The following TNRC18 variants were observed in gnomAD, a reference collection of about 807,000 sequenced individuals.
TNRC18 encodes trinucleotide repeat-containing gene 18 protein.
Under a neutral mutation model 226.7 loss-of-function variants are expected in TNRC18, and 69 were observed. The ratio of observed to expected loss-of-function variants is 0.30; its 90% CI spans 0.25 to 0.37. The LOEUF is 0.37. Among genes scored for constraint, TNRC18 ranks in the 10% least tolerant of loss-of-function variants. TNRC18 has a pLI of 1.00. For synonymous variants in TNRC18, 2,449 were observed against 1,927.6 expected, an observed-to-expected ratio of 1.27 and a Z score of -7.09; for missense variants, 4,754 against 4,256.6, an observed-to-expected ratio of 1.12 and a Z score of -3.25.
chr7:5,397,106 G>T (rs1312424654), intron 2 of TNRC18, among the ~76,000 whole-genome samples: 5 of 152,022 alleles, frequency 3.3e-5, no homozygotes, highest in Non-Finnish European at 5.9e-5. Flanking sequence ...AGTCCAGCCA[G>T]GCCCAGCCCC....
intron 18 of TNRC18, among the ~76,000 whole-genome samples, chr7:5,340,422 A>G (rs976615098): frequency 6.6e-6 from 1 of 152,180 alleles, no homozygotes; most frequent in African/African-American, 2.4e-5. Flanking sequence ...GCCAGCAGAG[A>G]TTGTCTCATG....
intron 2 of TNRC18, among the ~76,000 whole-genome samples, chr7:5,419,218 C>T (rs1371788535): frequency 1.3e-5 from 2 of 152,254 alleles, no homozygotes; most frequent in Non-Finnish European, 2.9e-5. Flanking sequence ...AGATTAGGCG[C>T]GGCCCTGGCA....
In TNRC18 at chr7:5,377,269, C is replaced by T. The variant is rs369978053; in HGVS notation, c.2461+102G>A. 18 of 1,293,202 alleles carry T rather than the reference C, an allele frequency of 1.4e-5. No individual in the cohort carries two copies. Among genetic ancestry groups the T allele is most frequent in the Non-Finnish European group, 1.8e-5 (17 of 957,720 alleles). The allele number at this position is 1,293,202 out of a possible 1,614,324, so 80.1% of individuals were successfully genotyped here. A position where few individuals can be genotyped will look rare whatever the true frequency, so the allele number is the denominator to read the frequency against. On this transcript the variant is annotated intron_variant, in intron 7 of 29. Transcript: ENST00000430969. The surrounding 1 kb of genome is among the most constrained non-coding windows in gnomAD (Gnocchi z 5.8). Reference sequence around the variant, plus strand: ...ATGCGGGAGGCAGGCCCAGGCCCCCCAGGAAACGGCAGGCAGGAGCCAGCC... The same window carrying T: ...ATGCGGGAGGCAGGCCCAGGCCCCCTAGGAAACGGCAGGCAGGAGCCAGCC...
intron 2 of TNRC18, among the ~76,000 whole-genome samples, chr7:5,401,025 CCT>C (rs1379247809): frequency 6.6e-6 from 1 of 151,770 alleles, no homozygotes; most frequent in Non-Finnish European, 1.5e-5. Context: ...AGAGCAAGAC[CCT>C]GTCTCAAAAA....
At chr7:5,375,921 T>C (rs1794626058) in intron 9 of TNRC18, 113 bp downstream of exon 9, 1 of 1,088,390 alleles carries the variant, frequency 9.2e-7, no homozygotes, top group Admixed American at 2.6e-5. Context: ...CACCTGCCCC[T>C]CTGCTGTTTT....
At chr7:5,339,652 C>G (rs1416115022) in intron 18 of TNRC18, among the ~76,000 whole-genome samples, 1 of 152,044 alleles carries the variant, frequency 6.6e-6, no homozygotes, top group East Asian at 1.9e-4. Flanking sequence ...TCACTGCAAA[C>G]TCTGCCTCCC....
At chr7:5,389,511 G>C in intron 4 of TNRC18, 175 bp from the exon 5 acceptor site, 1 of 821,056 alleles carries the variant, frequency 1.2e-6, no homozygotes, top group Non-Finnish European at 1.6e-6. Context: ...CTGGAGTACA[G>C]TGGCGCAACC....
intron 4 of TNRC18, 125 bp from the exon 5 acceptor site, chr7:5,389,461 G>GTTTTTTTGTTTTTTTTTTTGTTTGTT: frequency 1.8e-6 from 1 of 564,672 alleles, no homozygotes; most frequent in East Asian, 7.0e-5. Context: ...TTTGGTTTTG[G>GTTTTTTTGTTTTTTTTTTTGTTTGTT]TTTTTTTTTT....
chr7:5,337,471 G>T (rs1380169360), intron 18 of TNRC18, among the ~76,000 whole-genome samples: 1 of 136,614 alleles, frequency 7.3e-6, no homozygotes, highest in African/African-American at 2.6e-5. Context: ...GTGACAGAGT[G>T]AGACTGTTTC....
intron 2 of TNRC18, among the ~76,000 whole-genome samples, chr7:5,409,964 C>A (rs954793612): frequency 6.8e-6 from 1 of 146,698 alleles, no homozygotes; most frequent in Non-Finnish European, 1.5e-5. Context: ...GCACTCCAGG[C>A]TGGGTGAAAG....
chr7:5,320,433 G>A lies in TNRC18; in HGVS notation c.6637-7C>T, dbSNP rs1788227657. ...CTGGCCTCACATCGATGATCTAGAA[G>A]GGCATGGGATGAGTGCAAGGTGTGG... is the stretch of plus-strand genomic sequence containing the variant. On this transcript the variant is annotated splice_polypyrimidine_tract_variant and splice_region_variant and intron_variant, in intron 23 of 29. Coordinates refer to ENST00000430969, the MANE Select transcript of TNRC18 (RefSeq NM_001080495.3). 1.3e-6 allele frequency: 2 copies of A among 1,561,986 alleles called. No individual in the cohort carries two copies. Among genetic ancestry groups the A allele is most frequent in the East Asian group, 2.4e-5 (1 of 41,868 alleles).
At chr7:5,333,396 C>T (rs1789760245) in intron 18 of TNRC18, among the ~76,000 whole-genome samples, 1 of 152,252 alleles carries the variant, frequency 6.6e-6, no homozygotes, top group African/African-American at 2.4e-5. Context: ...TGCAGGGCAG[C>T]AGCCCTCTAA....
intron 24 of TNRC18, among the ~76,000 whole-genome samples, chr7:5,319,927 T>A (rs1390710766): frequency 2.0e-5 from 3 of 152,364 alleles, no homozygotes; most frequent in East Asian, 3.9e-4. Context: ...GATGAGAATC[T>A]GACCCAGGCC....
chr7:5,389,404 G>A (rs1174841508), intron 4 of TNRC18, 68 bp from the exon 5 acceptor site: 21 of 1,217,802 alleles, frequency 1.7e-5, no homozygotes, highest in Non-Finnish European at 1.9e-5. Context: ...CTGGGCGGAG[G>A]CGGACCCCTG....
intron 11 of TNRC18, among the ~76,000 whole-genome samples, chr7:5,366,233 T>C (rs1460677370): frequency 6.7e-6 from 1 of 149,094 alleles, no homozygotes; most frequent in Non-Finnish European, 1.5e-5. Flanking sequence ...CCCCAAGCTG[T>C]GACAACCAAA....
chr7:5,329,365 A>G (rs1162589700), intron 19 of TNRC18, among the ~76,000 whole-genome samples: 4 of 151,816 alleles, frequency 2.6e-5, no homozygotes, highest in Admixed American at 2.6e-4. Context: ...TACACATGAT[A>G]TAACACAGAC....
Position 5,362,702 on chromosome 7 carries a change from C to G in TNRC18, c.4343G>C (p.Arg1448Pro), listed in dbSNP as rs868830988. 4 of 1,582,938 alleles carry G rather than the reference C, an allele frequency of 2.5e-6. No individual in the cohort carries two copies. The highest frequency in any genetic ancestry group is 3.4e-6 in the Non-Finnish European group (4 of 1,165,742). Residue 1448 changes from arginine (R) to proline (P), a missense_variant, in exon 12 of 30, where the codon CGG becomes CCG. Arg to Pro is a moderately radical substitution (Grantham distance 103). Transcript: ENST00000430969. ...GTACTTCTTGTTGGGCTTCAGCTCCCGCGGGAGCCGCAGGTTCTTGAGTGG... is the reference window on the plus strand; with the variant it reads ...GTACTTCTTGTTGGGCTTCAGCTCCGGCGGGAGCCGCAGGTTCTTGAGTGG... ...VDPLKNLRLP[R>P]ELKPNKKYSW...
intron 5 of TNRC18, among the ~76,000 whole-genome samples, chr7:5,380,646 C>T (rs1211850680): frequency 6.6e-6 from 1 of 152,182 alleles, no homozygotes; most frequent in East Asian, 1.9e-4. Flanking sequence ...CAACGTAGCT[C>T]CTGTATCAAA....
At chr7:5,397,068 C>G (rs953960091) in intron 2 of TNRC18, among the ~76,000 whole-genome samples, 7 of 152,124 alleles carry the variant, frequency 4.6e-5, no homozygotes, top group Non-Finnish European at 1.0e-4. Flanking sequence ...GCCATCACCA[C>G]CACCCCGTGT....
Sources: gnomAD v4.1 joint callset for allele counts (sites outside exome capture counted in the v4.1 genomes callset) on GRCh38, gnomAD v4.1.1 for gene constraint, Gnocchi (gnomAD v3.1) non-coding constraint, MANE v1.5 for transcripts, NCBI Gene and HGNC (gene_info 2026-07-23, HGNC 2026-07-21) for gene names.